Variants in ANKRD33B observed in about 807,000 individuals in gnomAD.
ANKRD33B encodes ankyrin repeat domain-containing protein 33B.
ANKRD33B carries 6 observed loss-of-function variants against 21.5 expected under a neutral mutation model. That is an observed-to-expected ratio of 0.28 (90% CI 0.15 to 0.55). The LOEUF is 0.55. Among genes scored for constraint, ANKRD33B ranks in the 20% least tolerant of loss-of-function variants. The pLI, the probability that ANKRD33B is intolerant of heterozygous loss-of-function variation, is 0.94. For missense variants in ANKRD33B, 698 were observed against 747.2 expected (o/e 0.93, Z 0.77); for synonymous variants, 347 against 342.4 (o/e 1.01, Z -0.15).
At chr5:10,590,462 A>G (rs988455838) in intron 1 of ANKRD33B, among the ~76,000 whole-genome samples, 4 of 152,208 alleles carry the variant, frequency 2.6e-5, no homozygotes, top group African/African-American at 9.7e-5. Flanking sequence ...TGGGCAGATC[A>G]TGAATACCAC....
intron 1 of ANKRD33B, among the ~76,000 whole-genome samples, chr5:10,615,898 G>T (rs1283417943): frequency 6.6e-6 from 1 of 152,208 alleles, no homozygotes; most frequent in Non-Finnish European, 1.5e-5. Flanking sequence ...AATGGAGGTG[G>T]TGGTGGCAGC....
chr5:10,651,705 T>G lies in ANKRD33B; in HGVS notation c.*1592T>G, dbSNP rs1185065401. The G allele has an allele frequency of 6.6e-6, 1 of 152,338 alleles. No individual in the cohort carries two copies. Among genetic ancestry groups the G allele is most frequent in the African/African-American group, 2.4e-5 (1 of 41,440 alleles). 9.4% of individuals were successfully genotyped at this position (152,338 alleles called of 1,614,324 possible). A position where few individuals can be genotyped will look rare whatever the true frequency, so the allele number is the denominator to read the frequency against. On this transcript the variant is annotated 3_prime_UTR_variant, in exon 4 of 4. Transcript: ENST00000296657. ...CCTAATAACCCTAGATACATCATGA[T>G]ACATGGTGTCTGTCTCAGGATGCAG...
chr5:10,631,874 T>C lies in ANKRD33B; in HGVS notation c.497-6154T>C, dbSNP rs562484456. On this transcript the variant is annotated intron_variant, in intron 2 of 3. Transcript: ENST00000296657. ...GGACGCACTCCAAAGCCATGGCCAG[T>C]GTCTCTCATGAGGACGGAATGCTGG... is the stretch of plus-strand genomic sequence containing the variant. Among the ~76,000 whole-genome samples, 3 of 152,310 alleles carry C rather than the reference T, an allele frequency of 2.0e-5. No homozygotes were observed. In the East Asian group the frequency reaches 5.8e-4, roughly 29 times the overall value.
chr5:10,571,192 A>G (rs112994225), intron 1 of ANKRD33B, among the ~76,000 whole-genome samples: 264 of 151,836 alleles, frequency 1.7e-3, no homozygotes, highest in African/African-American at 6.2e-3. Context: ...TTATTTTAAA[A>G]TCTTATTTGT....
intron 1 of ANKRD33B, among the ~76,000 whole-genome samples, chr5:10,578,562 G>A (rs1381109360): frequency 6.6e-6 from 1 of 152,202 alleles, no homozygotes; most frequent in African/African-American, 2.4e-5. Flanking sequence ...AGATAGGACA[G>A]CCCTTGATCA....
intron 2 of ANKRD33B, among the ~76,000 whole-genome samples, chr5:10,623,643 G>A (rs1208762539): frequency 1.3e-5 from 2 of 152,234 alleles, no homozygotes; most frequent in African/African-American, 4.8e-5. Context: ...CTGGATAGGA[G>A]GGAAGATTCC....
intron 1 of ANKRD33B, among the ~76,000 whole-genome samples, chr5:10,595,614 C>A (rs1445732789): frequency 6.6e-6 from 1 of 152,128 alleles, no homozygotes; most frequent in African/African-American, 2.4e-5. Flanking sequence ...CAGGCAGTTA[C>A]CTGAAGGAGT....
chr5:10,622,794 C>CTTTTTTTTTTTTTTTTTT lies in ANKRD33B; in HGVS notation c.496+4335_496+4336insTTTTTTTTTTTTTTTTTT, dbSNP rs1436392852. Reference sequence around the variant, plus strand: ...GATCCAGGGTTGTTTTTTGTTTTTGCTTTATTTTATTTTATTTTTTTTTTT... The same window carrying CTTTTTTTTTTTTTTTTTT: ...GATCCAGGGTTGTTTTTTGTTTTTGCTTTTTTTTTTTTTTTTTTTTTATTTTATTTTATTTTTTTTTTT... On this transcript the variant is annotated intron_variant, in intron 2 of 3. Transcript: ENST00000296657. Among the ~76,000 whole-genome samples the CTTTTTTTTTTTTTTTTTT allele has an allele frequency of 1.0e-4, 8 of 78,600 alleles. 2 individuals are homozygous for CTTTTTTTTTTTTTTTTTT. Among genetic ancestry groups the CTTTTTTTTTTTTTTTTTT allele is most frequent in the African/African-American group, 2.9e-4 (4 of 13,750 alleles). The allele number at this position is 78,600 out of a possible 152,430, so 51.6% of individuals were successfully genotyped here.
In ANKRD33B at chr5:10,652,658, G is replaced by T; in HGVS notation, c.*2545G>T. On this transcript the variant is annotated 3_prime_UTR_variant, in exon 4 of 4. Transcript: ENST00000296657. The surrounding 1 kb of genome is among the most constrained non-coding windows in gnomAD (Gnocchi z 4.1). ...CCACAACCCATGCTCAGAGTTGTCA[G>T]GGATGCGTGGAACAGCAATGATGGG... 6.2e-6 allele frequency: 1 copy of T among 161,624 alleles called. No individual in the cohort carries two copies. Among genetic ancestry groups the T allele is most frequent in the Middle Eastern group, 8.8e-4 (1 of 1,136 alleles). The allele number at this position is 161,624 out of a possible 1,614,324, so 10.0% of individuals were successfully genotyped here.
chr5:10,616,258 T>C (rs1219860786), intron 1 of ANKRD33B, among the ~76,000 whole-genome samples: 1 of 152,138 alleles, frequency 6.6e-6, no homozygotes, highest in East Asian at 1.9e-4. Flanking sequence ...TGTTGTTCCA[T>C]GAAAAATTAT....
intron 1 of ANKRD33B, among the ~76,000 whole-genome samples, chr5:10,612,717 G>T (rs1016853370): frequency 5.3e-5 from 8 of 152,156 alleles, no homozygotes; most frequent in South Asian, 2.1e-4. Context: ...TGCCCACCCC[G>T]TCCCCAGCGC....
Position 10,640,094 on chromosome 5 carries a change from G to C in ANKRD33B, c.637+1926G>C, listed in dbSNP as rs1290673627. On this transcript the variant is annotated intron_variant, in intron 3 of 3. Coordinates refer to ENST00000296657, the MANE Select transcript of ANKRD33B (RefSeq NM_001164440.2). ...CGTGGAGTTGCGTGGTAATGTTAGC[G>C]GGTGACGTGGAGTTGCGCGGTGATG... Among the ~76,000 whole-genome samples the C allele has an allele frequency of 4.6e-5, 5 of 107,998 alleles. No homozygotes were observed. In the East Asian group the frequency reaches 1.1e-3, roughly 25 times the overall value. The allele number at this position is 107,998 out of a possible 152,430, so 70.9% of individuals were successfully genotyped here.
At chr5:10,613,540 C>G (rs1315838794) in intron 1 of ANKRD33B, among the ~76,000 whole-genome samples, 1 of 151,812 alleles carries the variant, frequency 6.6e-6, no homozygotes, top group Non-Finnish European at 1.5e-5. Context: ...TGTTTGCTTA[C>G]TTTTTTCAAT....
At chr5:10,635,126 G>C (rs17761733) in intron 2 of ANKRD33B, among the ~76,000 whole-genome samples, 63,988 of 151,594 alleles carry the variant, frequency 0.42, 13,752 homozygotes, top group Middle Eastern at 0.56. Flanking sequence ...TGTGGACTTT[G>C]AGTTTTTCCT....
intron 2 of ANKRD33B, among the ~76,000 whole-genome samples, chr5:10,620,051 T>G (rs1736384865): frequency 6.6e-6 from 1 of 151,600 alleles, no homozygotes; most frequent in Non-Finnish European, 1.5e-5. Context: ...CTAGGAGAGA[T>G]GAGGGAAGGA....
intron 1 of ANKRD33B, among the ~76,000 whole-genome samples, chr5:10,608,573 G>A (rs1007180312): frequency 6.6e-6 from 1 of 151,700 alleles, no homozygotes; most frequent in Non-Finnish European, 1.5e-5. Flanking sequence ...GAAAAGAATG[G>A]ATGTGTTCAT....
intron 2 of ANKRD33B, among the ~76,000 whole-genome samples, chr5:10,637,668 G>T (rs1398174440): frequency 2.0e-5 from 3 of 152,062 alleles, no homozygotes; most frequent in African/African-American, 7.2e-5. Flanking sequence ...CCTGCTGGGA[G>T]TTGAGGCTTC....
chr5:10,641,694 C>A lies in ANKRD33B; in HGVS notation c.637+3526C>A, dbSNP rs182643710. 1.2e-4 allele frequency among the ~76,000 whole-genome samples: 19 copies of A among 152,082 alleles called. 1 individual carries two copies. The East Asian group carries it at 3.7e-3, about 29-fold the overall frequency. On this transcript the variant is annotated intron_variant, in intron 3 of 3. Transcript: ENST00000296657. ...TCACAATTGCTTCAGATTTATCTTT[C>A]TTTTTGCTTTAACCTTAGGGGATTC... is the stretch of plus-strand genomic sequence containing the variant.
chr5:10,580,086 A>T (rs983158777), intron 1 of ANKRD33B, among the ~76,000 whole-genome samples: 1 of 150,618 alleles, frequency 6.6e-6, no homozygotes, highest in African/African-American at 2.4e-5. Flanking sequence ...CTGTAATTTT[A>T]TGTCCCCCTA....
Sources: allele counts gnomAD v4.1 joint callset (sites outside exome capture counted in the v4.1 genomes callset), GRCh38; gene constraint gnomAD v4.1.1; non-coding constraint Gnocchi (gnomAD v3.1); transcripts MANE v1.5; gene names NCBI Gene and HGNC (gene_info 2026-07-23, HGNC 2026-07-21).